The following VEPH1 variants were observed in gnomAD, a reference collection of about 807,000 sequenced individuals.
VEPH1 encodes the protein ventricular zone-expressed PH domain-containing protein homolog 1.
Under a neutral mutation model 85.2 loss-of-function variants are expected in VEPH1, and 80 were observed. The observed-to-expected ratio is 0.94, with a 90% confidence interval of 0.78 to 1.13. The LOEUF (loss-of-function observed/expected upper bound fraction) is 1.13, where lower values mean the gene tolerates loss of function less well. Ranked by LOEUF, VEPH1 falls within the 50% of genes most tolerant of loss-of-function variation. VEPH1 has a pLI of 0.00. For synonymous variants in VEPH1, 297 were observed against 348.0 expected, an observed-to-expected ratio of 0.85 and a Z score of 1.63; for missense variants, 955 against 980.5, an observed-to-expected ratio of 0.97 and a Z score of 0.35.
chr3:157,474,039 AT>A, intron 2 of VEPH1, among the ~76,000 whole-genome samples: 1 of 152,034 alleles, frequency 6.6e-6, no homozygotes, highest in Non-Finnish European at 1.5e-5. Context: ...TTTCATTTAA[AT>A]TTTTTTGCGT....
At chr3:157,337,523 A>G (rs1405716574) in intron 9 of VEPH1, among the ~76,000 whole-genome samples, 27 of 152,234 alleles carry the variant, frequency 1.8e-4, no homozygotes, top group Admixed American at 1.7e-3. Flanking sequence ...AATATTTTCC[A>G]ACACAGAAAA....
At chr3:157,346,530 T>C (rs1039906283) in intron 9 of VEPH1, among the ~76,000 whole-genome samples, 1 of 152,214 alleles carries the variant, frequency 6.6e-6, no homozygotes, top group Non-Finnish European at 1.5e-5. Flanking sequence ...TAGATAATAC[T>C]TTCACTGACC....
chr3:157,312,476 AACC>A (rs10537297), intron 11 of VEPH1, among the ~76,000 whole-genome samples: 103,946 of 151,550 alleles, frequency 0.69, 35,859 homozygotes, highest in East Asian at 0.78. Flanking sequence ...ATTGGTATTT[AACC>A]ACCACCACCA....
rs1733729144 is a variant in VEPH1, at chr3:157,437,699, G to A, written c.530-9211C>T. The A allele has an allele frequency of 1.3e-6, 2 of 1,532,398 alleles. No individual in the cohort carries two copies. The highest frequency in any genetic ancestry group is 1.7e-6 in the Non-Finnish European group (2 of 1,144,278). The allele number at this position is 1,532,398 out of a possible 1,614,324, so 94.9% of individuals were successfully genotyped here. A position where few individuals can be genotyped will look rare whatever the true frequency, so the allele number is the denominator to read the frequency against. ...AGCCTGGCGAGGCCGTGCGCGCCGG[G>A]GGCTCCCGCAGAGGCCAGGCTGACC... On this transcript the variant is annotated intron_variant, in intron 4 of 13. Transcript: ENST00000362010.
At chr3:157,385,943 T>G (rs1054556523) in intron 6 of VEPH1, among the ~76,000 whole-genome samples, 1 of 152,210 alleles carries the variant, frequency 6.6e-6, no homozygotes. Flanking sequence ...TCTTCCAAAG[T>G]TTGATGCATT....
chr3:157,449,021 A>T (rs1422228617), intron 4 of VEPH1, among the ~76,000 whole-genome samples: 1 of 152,156 alleles, frequency 6.6e-6, no homozygotes, highest in Non-Finnish European at 1.5e-5. Flanking sequence ...CCATGTAAGA[A>T]GTGCCTTTCA....
rs762194867 is a variant in VEPH1, at chr3:157,363,389, T to A, written c.1710A>T (p.Pro570=). The change falls in exon 9 of 14, where the codon CCA becomes CCT. Residue 570 remains proline (P), a synonymous_variant. Transcript: ENST00000362010. ...CTTCAATGGTACACTGATCAGGGAC[T>A]GGAATCTTCTTTCCAATTTCCATGG... is the stretch of plus-strand genomic sequence containing the variant. ...AYAMEIGKKI[P]VPDQCTIEDT... 52 of 1,609,574 alleles carry A rather than the reference T, an allele frequency of 3.2e-5. No homozygotes were observed. Among genetic ancestry groups the A allele is most frequent in the Non-Finnish European group, 4.0e-5 (47 of 1,178,974 alleles).
intron 2 of VEPH1, among the ~76,000 whole-genome samples, chr3:157,470,738 A>G (rs914735016): frequency 1.3e-5 from 2 of 152,200 alleles, no homozygotes; most frequent in African/African-American, 2.4e-5. Context: ...AAAATGGAGC[A>G]GGTTCTACTA....
At chr3:157,282,878 T>G (rs1716317303) in intron 12 of VEPH1, among the ~76,000 whole-genome samples, 1 of 152,234 alleles carries the variant, frequency 6.6e-6, no homozygotes, top group Non-Finnish European at 1.5e-5. Flanking sequence ...TAACAAGATC[T>G]GCAATAAACA....
At chr3:157,459,669 A>T in intron 4 of VEPH1, 1 of 1,350,488 alleles carries the variant, frequency 7.4e-7, no homozygotes, top group Non-Finnish European at 9.5e-7. Flanking sequence ...ATGTTGTAAC[A>T]ATTAACAGAG....
At position 157,323,856 on chromosome 3, in the gene VEPH1, G is replaced by C. The variant is rs141460845; in HGVS notation, c.1736-6655C>G. Among the ~76,000 whole-genome samples the C allele has an allele frequency of 1.8e-3, 274 of 152,176 alleles. 1 individual carries two copies. The highest frequency in any genetic ancestry group is 6.2e-3 in the African/African-American group (258 of 41,518). ...AAACATATATAAAAGCATAAGAAAA[G>C]GTCTGTAAAGTTATAGATCAACCAT... On this transcript the variant is annotated intron_variant, in intron 9 of 13. Coordinates refer to ENST00000362010, the MANE Select transcript of VEPH1 (RefSeq NM_001167912.2).
rs1042314684 is a variant in VEPH1, at chr3:157,260,841, A to G, written c.*293T>C. On this transcript the variant is annotated 3_prime_UTR_variant, in exon 14 of 14. Coordinates refer to ENST00000362010, the MANE Select transcript of VEPH1 (RefSeq NM_001167912.2). ...ACATATCTACAGAAGTTCTTTTATC[A>G]GTGACTTTTCCCTTCCTGGCCCCAC... 1 of 300,896 alleles carries G rather than the reference A, an allele frequency of 3.3e-6. No individual in the cohort carries two copies. Among genetic ancestry groups the G allele is most frequent in the Non-Finnish European group, 6.2e-6 (1 of 162,276 alleles). 18.6% of individuals were successfully genotyped at this position (300,896 alleles called of 1,614,324 possible).
intron 9 of VEPH1, among the ~76,000 whole-genome samples, chr3:157,359,251 G>GT (rs1330887402): frequency 6.6e-6 from 1 of 152,198 alleles, no homozygotes; most frequent in South Asian, 2.1e-4. Context: ...TCATGTGTGT[G>GT]TTTTTTTGAC....
intron 9 of VEPH1, among the ~76,000 whole-genome samples, chr3:157,351,582 C>G (rs186839737): frequency 6.6e-6 from 1 of 152,332 alleles, no homozygotes; most frequent in African/African-American, 2.4e-5. Flanking sequence ...CTAGTGTCTA[C>G]TGGAAATTCT....
intron 11 of VEPH1, among the ~76,000 whole-genome samples, chr3:157,296,975 G>T (rs1161710282): frequency 6.6e-6 from 1 of 152,170 alleles, no homozygotes; most frequent in Non-Finnish European, 1.5e-5. Flanking sequence ...ATAATAAAAA[G>T]TAGTGATAAT....
chr3:157,334,197 G>A (rs763724801), intron 9 of VEPH1, among the ~76,000 whole-genome samples: 12 of 152,288 alleles, frequency 7.9e-5, no homozygotes, highest in Non-Finnish European at 1.6e-4. Context: ...TCATGATCAT[G>A]TGGCTGACAT....
At position 157,260,921 on chromosome 3, in the gene VEPH1, A is replaced by G; in HGVS notation, c.*213T>C. ...TTTATTTTATTTTATTTTTGTGGGC[A>G]TCAGATATATTCTGAAGTCAATACT... On this transcript the variant is annotated 3_prime_UTR_variant, in exon 14 of 14. Transcript: ENST00000362010. 1.7e-6 allele frequency: 1 copy of G among 592,444 alleles called. No individual in the cohort carries two copies. The highest frequency in any genetic ancestry group is 2.9e-6 in the Non-Finnish European group (1 of 348,598). 36.7% of individuals were successfully genotyped at this position (592,444 alleles called of 1,614,324 possible). A position where few individuals can be genotyped will look rare whatever the true frequency, so the allele number is the denominator to read the frequency against.
intron 6 of VEPH1, among the ~76,000 whole-genome samples, chr3:157,404,230 CT>C (rs1334648419): frequency 6.6e-6 from 1 of 152,070 alleles, no homozygotes; most frequent in Non-Finnish European, 1.5e-5. Context: ...GAGCTAATTA[CT>C]TGAGGGGGGG....
chr3:157,416,066 A>C (rs1029265831), intron 5 of VEPH1, among the ~76,000 whole-genome samples: 3 of 152,116 alleles, frequency 2.0e-5, no homozygotes, highest in Non-Finnish European at 4.4e-5. Flanking sequence ...AATCATCCCT[A>C]TCTTGTACAC....
Sources: allele counts gnomAD v4.1 joint callset (sites outside exome capture counted in the v4.1 genomes callset), GRCh38; gene constraint gnomAD v4.1.1; transcripts MANE v1.5; gene names NCBI Gene and HGNC (gene_info 2026-07-23, HGNC 2026-07-21).